The following SYPL1 variants were observed in gnomAD, a reference collection of about 807,000 sequenced individuals.
SYPL1 encodes synaptophysin like 1.
In SYPL1, 6 loss-of-function variants were observed where a neutral mutation model predicts 23.7. That is an observed-to-expected ratio of 0.25 (90% CI 0.14 to 0.50). SYPL1 has a LOEUF of 0.50. Ranked by LOEUF, SYPL1 falls within the 20% of genes least tolerant of loss-of-function variation. SYPL1 has a pLI of 0.98. For missense variants in SYPL1, 253 were observed against 288.9 expected, an observed-to-expected ratio of 0.88 and a Z score of 0.90; for synonymous variants, 102 against 104.5, an observed-to-expected ratio of 0.98 and a Z score of 0.15.
chr7:106,095,804 C>A lies in SYPL1; in HGVS notation c.402+1886G>T, dbSNP rs1395430401. 6.6e-6 allele frequency among the ~76,000 whole-genome samples: 1 copy of A among 152,146 alleles called. No individual in the cohort carries two copies. The highest frequency in any genetic ancestry group is 2.4e-5 in the African/African-American group (1 of 41,420). Reference sequence around the variant, plus strand: ...TTTGGATTATCTCTTTATATGACCACTAATTGGTCATTCTGAGGTGGAAAA... The same window carrying A: ...TTTGGATTATCTCTTTATATGACCAATAATTGGTCATTCTGAGGTGGAAAA... On this transcript the variant is annotated intron_variant, in intron 3 of 4. Transcript: ENST00000455385. The surrounding 1 kb of genome is among the most constrained non-coding windows in gnomAD (Gnocchi z 4.3).
rs1299830328 is a variant in SYPL1 at position 106,099,344 on chromosome 7, ACAAGGGT to A, written c.70-69_70-63del. 6 of 1,537,568 alleles carry A rather than the reference ACAAGGGT, an allele frequency of 3.9e-6. No individual in the cohort carries two copies. In the East Asian group the frequency reaches 1.1e-4, roughly 29 times the overall value. ...AAAGATAAGCAATACTACAACCAAA[ACAAGGGT>A]CACTAAAACTGTAAGCACACTGATT... On this transcript the variant is annotated intron_variant, in intron 1 of 4. Coordinates refer to ENST00000455385, the MANE Select transcript of SYPL1 (RefSeq NM_182715.4).
At chr7:106,108,557 G>A (rs761537675) in intron 1 of SYPL1, among the ~76,000 whole-genome samples, 7 of 152,066 alleles carry the variant, frequency 4.6e-5, no homozygotes, top group Non-Finnish European at 1.0e-4. Flanking sequence ...ACCAACATAA[G>A]TGAACATACA....
intron 1 of SYPL1, among the ~76,000 whole-genome samples, chr7:106,110,566 A>G (rs1167616579): frequency 2.6e-5 from 4 of 152,252 alleles, no homozygotes; most frequent in African/African-American, 9.6e-5. Context: ...AAAATAGTCA[A>G]ATATTTACCA....
At chr7:106,094,178 G>T (rs1161258662) in intron 3 of SYPL1, among the ~76,000 whole-genome samples, 1 of 152,070 alleles carries the variant, frequency 6.6e-6, no homozygotes, top group African/African-American at 2.4e-5. Context: ...GAAGCATTTT[G>T]TTTTTTAAAT....
At chr7:106,110,963 T>C (rs555449540) in intron 1 of SYPL1, among the ~76,000 whole-genome samples, 2 of 152,376 alleles carry the variant, frequency 1.3e-5, no homozygotes, top group South Asian at 4.1e-4. Context: ...TGGTTTTCTT[T>C]ATACTTAAAT....
Position 106,091,527 on chromosome 7 carries a change from G to T in SYPL1, c.*278C>A. On this transcript the variant is annotated 3_prime_UTR_variant, in exon 5 of 5. Transcript: ENST00000455385. This position sits in a 1 kb window ranked among gnomAD's most constrained non-coding sequence, Gnocchi z 5.0. ...TAAGGCTTAAGGTGTAAACACTTTGGAAGGCAAACAGCTTAGTGAAAAAAA... is the reference window on the plus strand; with the variant it reads ...TAAGGCTTAAGGTGTAAACACTTTGTAAGGCAAACAGCTTAGTGAAAAAAA... The T allele has an allele frequency of 3.4e-6, 1 of 298,466 alleles. No individual in the cohort carries two copies. The highest frequency in any genetic ancestry group is 6.2e-6 in the Non-Finnish European group (1 of 160,330). The allele number at this position is 298,466 out of a possible 1,614,324, so 18.5% of individuals were successfully genotyped here. A position where few individuals can be genotyped will look rare whatever the true frequency, so the allele number is the denominator to read the frequency against.
At chr7:106,110,288 G>T (rs1790077874) in intron 1 of SYPL1, among the ~76,000 whole-genome samples, 1 of 152,104 alleles carries the variant, frequency 6.6e-6, no homozygotes, top group Non-Finnish European at 1.5e-5. Context: ...TCCTTCCACT[G>T]AACATAAGAT....
Position 106,100,579 on chromosome 7 carries a change from G to C in SYPL1, c.70-1297C>G, listed in dbSNP as rs1187226043. ...AAAAAATTCCAGATGCGCTGTTAAAGTCCAGGAGCTCAATCTTTCAGCAAG... is the reference window on the plus strand; with the variant it reads ...AAAAAATTCCAGATGCGCTGTTAAACTCCAGGAGCTCAATCTTTCAGCAAG... On this transcript the variant is annotated intron_variant, in intron 1 of 4. Transcript: ENST00000455385. The surrounding 1 kb of genome is among the most constrained non-coding windows in gnomAD (Gnocchi z 5.1). Among the ~76,000 whole-genome samples the C allele has an allele frequency of 4.6e-5, 7 of 152,158 alleles. No individual in the cohort carries two copies. Among genetic ancestry groups the C allele is most frequent in the Non-Finnish European group, 8.8e-5 (6 of 68,022 alleles).
rs1334118707 is a variant in SYPL1 at position 106,100,026 on chromosome 7, G to A, written c.70-744C>T. ...TAAGTATTAGTATGAAATATAGAGG[G>A]AGACTCATTTATTAGTATAAAATCA... On this transcript the variant is annotated intron_variant, in intron 1 of 4. Transcript: ENST00000455385. The surrounding 1 kb of genome is among the most constrained non-coding windows in gnomAD (Gnocchi z 5.1). 1.3e-5 allele frequency among the ~76,000 whole-genome samples: 2 copies of A among 152,124 alleles called. No individual in the cohort carries two copies. The highest frequency in any genetic ancestry group is 2.9e-5 in the Non-Finnish European group (2 of 68,016).
chr7:106,110,200 C>T (rs1326828096), intron 1 of SYPL1, among the ~76,000 whole-genome samples: 1 of 152,150 alleles, frequency 6.6e-6, no homozygotes. Context: ...TCAAACCGTA[C>T]CCTCCAACCT....
At chr7:106,094,269 G>C (rs1248860920) in intron 3 of SYPL1, among the ~76,000 whole-genome samples, 1 of 151,926 alleles carries the variant, frequency 6.6e-6, no homozygotes, top group African/African-American at 2.4e-5. Context: ...TATGGTTTTT[G>C]CTATTTATTT....
At position 106,112,194 on chromosome 7, in the gene SYPL1, C is replaced by A; in HGVS notation, c.15G>T (p.Gln5His). The change falls in exon 1 of 5, where the codon CAG becomes CAT. Residue 5 changes from glutamine (Q) to histidine (H), a missense_variant. Gln to His is a conservative substitution (Grantham distance 24). Coordinates refer to ENST00000455385, the MANE Select transcript of SYPL1 (RefSeq NM_182715.4). ...GCTCCTTGAGCGGGTTGAGGTTGAT[C>A]TGGAAGCCGGACATCCTCTGAGGAA... MSGFQINLNPLKEPL... is the reference protein window; with the variant it reads MSGFHINLNPLKEPL... 4 of 1,543,700 alleles carry A rather than the reference C, an allele frequency of 2.6e-6. No homozygotes were observed. The highest frequency in any genetic ancestry group is 3.5e-6 in the Non-Finnish European group (4 of 1,137,460).
In SYPL1 at chr7:106,097,465, TC is replaced by T. The variant is rs1207663987; in HGVS notation, c.402+224del. 6.6e-6 allele frequency among the ~76,000 whole-genome samples: 1 copy of T among 152,184 alleles called. No individual in the cohort carries two copies. Among genetic ancestry groups the T allele is most frequent in the Admixed American group, 6.5e-5 (1 of 15,276 alleles). ...TGCTTTATTACATATCTGAGTTTTT[TC>T]CAAGTTAAAATAGATTTAAAAAAGA... On this transcript the variant is annotated intron_variant, in intron 3 of 4. Transcript: ENST00000455385. This position sits in a 1 kb window ranked among gnomAD's most constrained non-coding sequence, Gnocchi z 4.6.
chr7:106,110,430 ACACCTTTAT>A (rs1790084784), intron 1 of SYPL1, among the ~76,000 whole-genome samples: 1 of 152,158 alleles, frequency 6.6e-6, no homozygotes, highest in African/African-American at 2.4e-5. Flanking sequence ...TTCTTTGCAT[ACACCTTTAT>A]CACAGTTTAT....
chr7:106,093,446 T>C (rs1585934145), intron 3 of SYPL1, among the ~76,000 whole-genome samples: 1 of 152,174 alleles, frequency 6.6e-6, no homozygotes, highest in South Asian at 2.1e-4. Context: ...CCCAGGACCA[T>C]ACCTTAGACC....
chr7:106,094,972 T>C (rs1426449427), intron 3 of SYPL1, among the ~76,000 whole-genome samples: 1 of 152,220 alleles, frequency 6.6e-6, no homozygotes, highest in Non-Finnish European at 1.5e-5. Flanking sequence ...TCTAAGCGAA[T>C]GGTGCCACCT....
At chr7:106,106,001 T>C (rs1004172325) in intron 1 of SYPL1, among the ~76,000 whole-genome samples, 1 of 152,224 alleles carries the variant, frequency 6.6e-6, no homozygotes, top group African/African-American at 2.4e-5. Context: ...GCATTCATAC[T>C]ACTCTATGAT....
At chr7:106,106,373 C>A (rs546456228) in intron 1 of SYPL1, among the ~76,000 whole-genome samples, 1 of 151,976 alleles carries the variant, frequency 6.6e-6, no homozygotes, top group South Asian at 2.1e-4. Context: ...CATGGTGAAA[C>A]CCCATCTCTA....
intron 1 of SYPL1, among the ~76,000 whole-genome samples, chr7:106,101,268 TCA>T (rs979420718): frequency 1.3e-5 from 2 of 152,158 alleles, no homozygotes; most frequent in Non-Finnish European, 2.9e-5. Context: ...TTGTTCAAGG[TCA>T]CACACACTCA....
Sources: allele counts gnomAD v4.1 joint callset (sites outside exome capture counted in the v4.1 genomes callset), GRCh38; gene constraint gnomAD v4.1.1; non-coding constraint Gnocchi (gnomAD v3.1); transcripts MANE v1.5; gene names NCBI Gene and HGNC (gene_info 2026-07-23, HGNC 2026-07-21).